The following SORCS2 variants were observed in gnomAD, a reference collection of about 807,000 sequenced individuals.
SORCS2 encodes sortilin related VPS10 domain containing receptor 2, also known as VPS10 domain-containing receptor SorCS2.
SORCS2 carries 100 observed loss-of-function variants against 141.6 expected under a neutral mutation model. The ratio of observed to expected loss-of-function variants is 0.71; its 90% CI spans 0.60 to 0.83. SORCS2 has a LOEUF of 0.83. Among genes scored for constraint, SORCS2 ranks in the 40% least tolerant of loss-of-function variants. The pLI is 0.00. For synonymous variants in SORCS2, 789 were observed against 676.9 expected, an observed-to-expected ratio of 1.17 and a Z score of -2.57; for missense variants, 1,646 against 1,560.2, an observed-to-expected ratio of 1.05 and a Z score of -0.93.
At chr4:7,247,350 A>G (rs1012715201) in intron 1 of SORCS2, among the ~76,000 whole-genome samples, 3 of 151,846 alleles carry the variant, frequency 2.0e-5, no homozygotes, top group Non-Finnish European at 4.4e-5. Flanking sequence ...TTTCTGGGTA[A>G]TGAAATCCAT....
chr4:7,467,275 G>A (rs780476732), intron 2 of SORCS2, among the ~76,000 whole-genome samples: 6 of 152,292 alleles, frequency 3.9e-5, no homozygotes, highest in Middle Eastern at 3.4e-3. Flanking sequence ...GCCTTTGTCC[G>A]TATCCACTGT....
chr4:7,521,100 G>A (rs941981418), intron 2 of SORCS2, among the ~76,000 whole-genome samples: 21 of 152,100 alleles, frequency 1.4e-4, no homozygotes, highest in African/African-American at 4.8e-4. Context: ...ATGGGAAGGT[G>A]TCCTCCTGTT....
chr4:7,305,697 G>A lies in SORCS2; in HGVS notation c.481-90591G>A, dbSNP rs75289166. Among the ~76,000 whole-genome samples, 52 of 152,262 alleles carry A rather than the reference G, an allele frequency of 3.4e-4. No homozygotes were observed. In the East Asian group the frequency reaches 6.6e-3, roughly 19 times the overall value. ...AAGGTGGTCCAATACCCTGGGCTCC[G>A]TCCACTCCCAGGTCTAGGGAGACCT... is the stretch of plus-strand genomic sequence containing the variant. On this transcript the variant is annotated intron_variant, in intron 1 of 26. Coordinates refer to ENST00000507866, the MANE Select transcript of SORCS2 (RefSeq NM_020777.3).
intron 1 of SORCS2, among the ~76,000 whole-genome samples, chr4:7,344,143 C>G (rs1466156991): frequency 6.6e-6 from 1 of 152,216 alleles, no homozygotes; most frequent in South Asian, 2.1e-4. Context: ...TAGAGGTGCA[C>G]GTGTCTGCTG....
intron 2 of SORCS2, among the ~76,000 whole-genome samples, chr4:7,501,026 A>AG (rs1339986183): frequency 6.6e-6 from 1 of 152,222 alleles, no homozygotes; most frequent in Non-Finnish European, 1.5e-5. Context: ...CTACAGCTGT[A>AG]GCATCTCGCA....
intron 11 of SORCS2, among the ~76,000 whole-genome samples, chr4:7,691,850 G>T (rs762357907): frequency 1.3e-5 from 2 of 151,672 alleles, no homozygotes; most frequent in South Asian, 2.1e-4. Context: ...CTGCTCAAAG[G>T]CCCTGAGAGC....
intron 7 of SORCS2, among the ~76,000 whole-genome samples, 154 bp from the exon 8 acceptor site, chr4:7,666,970 A>T (rs1722542408): frequency 2.0e-5 from 3 of 152,052 alleles, no homozygotes; most frequent in South Asian, 4.2e-4. Flanking sequence ...GCTTTGAAGG[A>T]TGAATAGGAG....
chr4:7,381,995 G>A, intron 1 of SORCS2: 1 of 985,536 alleles, frequency 1.0e-6, no homozygotes, highest in Non-Finnish European at 1.2e-6. Context: ...ACAGGCAGGT[G>A]AACAGGACCA....
At chr4:7,434,065 A>T (rs774938641) in intron 2 of SORCS2, 2 of 1,610,876 alleles carry the variant, frequency 1.2e-6, no homozygotes, top group African/African-American at 2.7e-5. Context: ...CAGGGAGGGG[A>T]CCCCGTCCAT....
rs113254472 is a variant in SORCS2, at chr4:7,664,995, G to A, written c.1071+524G>A. ...CATGGATGGGGAGCTCAGCCCTCCC[G>A]AAACAGCCTAGCCCTCTGCTGAGTA... On this transcript the variant is annotated intron_variant, in intron 7 of 26. Coordinates refer to ENST00000507866, the MANE Select transcript of SORCS2 (RefSeq NM_020777.3). This position sits in a 1 kb window ranked among gnomAD's most constrained non-coding sequence, Gnocchi z 4.7. Among the ~76,000 whole-genome samples the A allele has an allele frequency of 0.045, 6,879 of 152,232 alleles. 479 individuals carry two copies. The highest frequency in any genetic ancestry group is 0.15 in the African/African-American group (6,396 of 41,542).
At chr4:7,681,918 C>T (rs1278360699) in intron 9 of SORCS2, among the ~76,000 whole-genome samples, 1 of 152,210 alleles carries the variant, frequency 6.6e-6, no homozygotes, top group Non-Finnish European at 1.5e-5. Flanking sequence ...TCTGGCCTGG[C>T]ACACAGGAGG....
At chr4:7,601,099 T>A (rs1245080983) in intron 3 of SORCS2, among the ~76,000 whole-genome samples, 1 of 152,214 alleles carries the variant, frequency 6.6e-6, no homozygotes, top group East Asian at 1.9e-4. Context: ...TTTCCTGGTC[T>A]CGAACTCCTG....
chr4:7,585,315 C>CA (rs1716464436), intron 3 of SORCS2, among the ~76,000 whole-genome samples: 1 of 152,150 alleles, frequency 6.6e-6, no homozygotes, highest in Admixed American at 6.5e-5. Flanking sequence ...ACCAGTATCT[C>CA]AAAACCCGCC....
intron 1 of SORCS2, among the ~76,000 whole-genome samples, chr4:7,371,134 A>G (rs759021470): frequency 6.6e-5 from 10 of 152,216 alleles, no homozygotes; most frequent in Non-Finnish European, 1.2e-4. Context: ...GTTGGGGCAC[A>G]GGATGTTTGT....
At chr4:7,322,181 C>T (rs1305886892) in intron 1 of SORCS2, among the ~76,000 whole-genome samples, 2 of 152,064 alleles carry the variant, frequency 1.3e-5, no homozygotes, top group African/African-American at 4.8e-5. Context: ...CAAGCCCCAC[C>T]CCCACATGGC....
intron 1 of SORCS2, among the ~76,000 whole-genome samples, chr4:7,303,298 A>C (rs1401367874): frequency 6.6e-6 from 1 of 152,224 alleles, no homozygotes. Flanking sequence ...TAATTGTGTC[A>C]GGAACTCAGC....
intron 1 of SORCS2, among the ~76,000 whole-genome samples, chr4:7,389,880 C>G (rs374151440): frequency 6.6e-6 from 1 of 152,060 alleles, no homozygotes; most frequent in Non-Finnish European, 1.5e-5. Context: ...GGAGGAGCCC[C>G]GGCTTCCTGA....
At chr4:7,322,945 A>C (rs890299659) in intron 1 of SORCS2, among the ~76,000 whole-genome samples, 1 of 147,380 alleles carries the variant, frequency 6.8e-6, no homozygotes, top group African/African-American at 2.6e-5. Flanking sequence ...GCTGAAATCT[A>C]CTAGGGCCTT....
chr4:7,299,708 C>A (rs1186561872), intron 1 of SORCS2, among the ~76,000 whole-genome samples: 2 of 152,204 alleles, frequency 1.3e-5, no homozygotes, highest in Non-Finnish European at 2.9e-5. Context: ...AAGCCGTGGT[C>A]CAGGCCTGTG....
Sources: gnomAD v4.1 joint callset for allele counts (sites outside exome capture counted in the v4.1 genomes callset) on GRCh38, gnomAD v4.1.1 for gene constraint, Gnocchi (gnomAD v3.1) non-coding constraint, MANE v1.5 for transcripts, NCBI Gene and HGNC (gene_info 2026-07-23, HGNC 2026-07-21) for gene names.